The following AKAP19 variants were observed in gnomAD, a reference collection of about 807,000 sequenced individuals.
AKAP19 encodes the protein A-kinase anchoring protein 19.
the AKAP19 span, among the ~76,000 whole-genome samples, chr2:189,947,637 TAAAC>T: frequency 2.0e-5 from 3 of 152,046 alleles, no homozygotes; most frequent in African/African-American, 7.2e-5. Context: ...ACATGGAACA[TAAAC>T]ACTCAAAAAA....
chr2:190,074,216 T>C, the AKAP19 span, among the ~76,000 whole-genome samples: 1 of 152,154 alleles, frequency 6.6e-6, no homozygotes, highest in Non-Finnish European at 1.5e-5. Flanking sequence ...CAAACATCAA[T>C]ACATTTTTAA....
At chr2:189,899,009 G>T in the AKAP19 span, among the ~76,000 whole-genome samples, 5 of 152,122 alleles carry the variant, frequency 3.3e-5, no homozygotes, top group East Asian at 7.7e-4. Flanking sequence ...ATGTTAAGTT[G>T]CTTGAACTTA....
At chr2:189,887,925 T>C in the AKAP19 span, among the ~76,000 whole-genome samples, 1 of 152,198 alleles carries the variant, frequency 6.6e-6, no homozygotes, top group African/African-American at 2.4e-5. Context: ...ACTCTGATGA[T>C]AGTTTCTTTT....
the AKAP19 span, among the ~76,000 whole-genome samples, chr2:190,141,236 T>G: frequency 6.6e-6 from 1 of 152,174 alleles, no homozygotes; most frequent in Non-Finnish European, 1.5e-5. Context: ...TTTCCTTATT[T>G]TCCTGTCTTC....
At chr2:190,104,566 G>A in the AKAP19 span, among the ~76,000 whole-genome samples, 1 of 152,028 alleles carries the variant, frequency 6.6e-6, no homozygotes, top group Admixed American at 6.6e-5. Flanking sequence ...CAAGATGGGT[G>A]GATCTCTGAG....
At chr2:190,091,456 C>A in the AKAP19 span, among the ~76,000 whole-genome samples, 7 of 151,730 alleles carry the variant, frequency 4.6e-5, no homozygotes, top group Non-Finnish European at 5.9e-5. Flanking sequence ...CAAGAGTGAC[C>A]TACTTTTGAA....
At chr2:190,151,934 CGGA>C in the AKAP19 span, among the ~76,000 whole-genome samples, 1 of 151,462 alleles carries the variant, frequency 6.6e-6, no homozygotes, top group African/African-American at 2.4e-5. Context: ...ATCTGGGAGG[CGGA>C]GGTTGCAGTG....
chr2:190,079,624 A>C, the AKAP19 span: 2 of 152,274 alleles, frequency 1.3e-5, no homozygotes, highest in African/African-American at 4.8e-5. Context: ...CTGCCTGGCC[A>C]ACATGGCGAG....
At chr2:190,140,536 C>A in the AKAP19 span, among the ~76,000 whole-genome samples, 2 of 152,196 alleles carry the variant, frequency 1.3e-5, no homozygotes, top group Non-Finnish European at 2.9e-5. Flanking sequence ...GGCTCAACAC[C>A]ATGTGGAAGC....
chr2:190,199,522 T>C, the AKAP19 span, among the ~76,000 whole-genome samples: 2 of 152,340 alleles, frequency 1.3e-5, no homozygotes, highest in South Asian at 2.1e-4. Flanking sequence ...ATTTTGCAAG[T>C]TGCCATTTTT....
chr2:189,998,085 G>A, the AKAP19 span, among the ~76,000 whole-genome samples: 2 of 152,218 alleles, frequency 1.3e-5, no homozygotes, highest in African/African-American at 2.4e-5. Context: ...TCCCCAGTGA[G>A]TATGTGTTTT....
the AKAP19 span, among the ~76,000 whole-genome samples, chr2:190,143,928 A>G: frequency 6.8e-6 from 1 of 146,324 alleles, no homozygotes; most frequent in African/African-American, 2.5e-5. Flanking sequence ...AGAACAAAAA[A>G]CCAAACACCG....
the AKAP19 span, among the ~76,000 whole-genome samples, chr2:189,891,799 T>C: frequency 6.6e-6 from 1 of 152,154 alleles, no homozygotes; most frequent in South Asian, 2.1e-4. Flanking sequence ...GTTGGGAAAG[T>C]TCTACTGAAT....
chr2:190,154,451 T>C, the AKAP19 span, among the ~76,000 whole-genome samples: 1 of 152,276 alleles, frequency 6.6e-6, no homozygotes, highest in African/African-American at 2.4e-5. Flanking sequence ...CTAAGCTGTT[T>C]GGTACACAGA....
the AKAP19 span, among the ~76,000 whole-genome samples, chr2:190,038,919 C>CTTTCT: frequency 1.7e-4 from 22 of 126,598 alleles, no homozygotes; most frequent in African/African-American, 7.3e-4. Context: ...TCTTCTTCTT[C>CTTTCT]TTCTTCTTCT....
At chr2:190,142,013 G>T in the AKAP19 span, among the ~76,000 whole-genome samples, 1 of 152,174 alleles carries the variant, frequency 6.6e-6, no homozygotes, top group South Asian at 2.1e-4. Context: ...ATGCTACTTC[G>T]TGGGTCCCAT....
At chr2:190,195,005 C>T in the AKAP19 span, among the ~76,000 whole-genome samples, 1 of 152,064 alleles carries the variant, frequency 6.6e-6, no homozygotes, top group Non-Finnish European at 1.5e-5. Flanking sequence ...TAGGTGTGCA[C>T]CACCATGCCT....
chr2:190,038,905 T>C, the AKAP19 span, among the ~76,000 whole-genome samples: 6 of 82,926 alleles, frequency 7.2e-5, no homozygotes, highest in African/African-American at 1.9e-4. Context: ...TCTTTCTTTC[T>C]TCTTCTTCTT....
chr2:190,157,196 C>T, the AKAP19 span, among the ~76,000 whole-genome samples: 20 of 152,084 alleles, frequency 1.3e-4, no homozygotes, highest in African/African-American at 1.2e-4. Context: ...TTTTTAAAAA[C>T]GTACCCAAGG....
Sources: gnomAD v4.1 joint callset for allele counts (sites outside exome capture counted in the v4.1 genomes callset) on GRCh38, gnomAD v4.1.1 for gene constraint, MANE v1.5 for transcripts, NCBI Gene and HGNC (gene_info 2026-07-23, HGNC 2026-07-21) for gene names.